The following PODXL variants were observed in gnomAD, a reference collection of about 807,000 sequenced individuals.
PODXL encodes podocalyxin like, also known as podocalyxin.
Under a neutral mutation model 48.9 loss-of-function variants are expected in PODXL, and 20 were observed. The observed-to-expected ratio is 0.41, with a 90% CI of 0.29 to 0.59. PODXL has a LOEUF of 0.59. Ranked by LOEUF, PODXL falls within the 20% of genes least tolerant of loss-of-function variation. PODXL has a pLI of 0.31. For synonymous variants in PODXL, 295 were observed against 287.4 expected (o/e 1.03, Z -0.27); for missense variants, 606 against 675.1 (o/e 0.90, Z 1.13).
At chr7:131,510,562 C>G (rs946282801) in intron 2 of PODXL, among the ~76,000 whole-genome samples, 1 of 151,826 alleles carries the variant, frequency 6.6e-6, no homozygotes, top group African/African-American at 2.4e-5. Flanking sequence ...CTATTCCCCT[C>G]TCAGGTTCAA....
intron 1 of PODXL, among the ~76,000 whole-genome samples, chr7:131,511,949 T>G (rs997014992): frequency 6.6e-6 from 1 of 152,184 alleles, no homozygotes; most frequent in African/African-American, 2.4e-5. Flanking sequence ...CAGGAACACC[T>G]CTGTCTCCTC....
intron 1 of PODXL, among the ~76,000 whole-genome samples, chr7:131,531,838 G>A (rs532935384): frequency 1.3e-5 from 2 of 152,264 alleles, no homozygotes; most frequent in African/African-American, 2.4e-5. Flanking sequence ...CCAGCCAGGC[G>A]CGGTGGCTCA....
intron 1 of PODXL, among the ~76,000 whole-genome samples, chr7:131,548,654 C>G (rs1410652659): frequency 6.6e-6 from 1 of 152,228 alleles, no homozygotes; most frequent in African/African-American, 2.4e-5. Flanking sequence ...ATAACTGATG[C>G]CTGTCTTATT....
At position 131,506,669 on chromosome 7, in the gene PODXL, T is replaced by G; in HGVS notation, c.1159A>C (p.Thr387Pro). The G allele has an allele frequency of 1.2e-6, 2 of 1,614,120 alleles. No homozygotes were observed. Among genetic ancestry groups the G allele is most frequent in the Middle Eastern group, 1.7e-4 (1 of 6,060 alleles). The change falls in exon 6 of 9, where the codon ACC becomes CCC. Residue 387 changes from threonine to proline, a missense_variant. Physicochemically the swap from Thr to Pro is conservative, Grantham distance 38. Transcript: ENST00000378555. ...ISLICRAVKA[T>P]FNPAQDKCGI... ...CACTTATCTTGGGCCGGGTTGAAGGTGGCTTTGACTGCTCGGCATATCAGT... is the reference window on the plus strand; with the variant it reads ...CACTTATCTTGGGCCGGGTTGAAGGGGGCTTTGACTGCTCGGCATATCAGT...
intron 2 of PODXL, 54 bp downstream of exon 2, chr7:131,510,774 A>G (rs954649795): frequency 1.2e-6 from 2 of 1,607,540 alleles, no homozygotes; most frequent in Non-Finnish European, 1.7e-6. Flanking sequence ...CAGAGCCATC[A>G]CGCCTGGCCC....
At chr7:131,519,203 C>T (rs1798056031) in intron 1 of PODXL, among the ~76,000 whole-genome samples, 1 of 152,208 alleles carries the variant, frequency 6.6e-6, no homozygotes, top group African/African-American at 2.4e-5. Context: ...AGCTTTTCTC[C>T]TGTCACTGTC....
chr7:131,503,402 A>T lies in PODXL; in HGVS notation c.*909T>A, dbSNP rs961485282. 6.6e-6 allele frequency: 1 copy of T among 152,270 alleles called. No homozygotes were observed. The highest frequency in any genetic ancestry group is 2.4e-5 in the African/African-American group (1 of 41,442). 9.4% of individuals were successfully genotyped at this position (152,270 alleles called of 1,614,324 possible). On this transcript the variant is annotated 3_prime_UTR_variant, in exon 9 of 9. Transcript: ENST00000378555. Reference sequence around the variant, plus strand: ...CCTGGTGGAAATGGAAGCCCAAAGAAGATCGTGGGTGGCCTCTGCAAGGAG... The same window carrying T: ...CCTGGTGGAAATGGAAGCCCAAAGATGATCGTGGGTGGCCTCTGCAAGGAG...
chr7:131,550,514 C>G (rs1562919938), intron 1 of PODXL, among the ~76,000 whole-genome samples: 2 of 151,952 alleles, frequency 1.3e-5, no homozygotes, highest in Non-Finnish European at 2.9e-5. Context: ...GGTGTGGTGG[C>G]GCATGCCTGT....
chr7:131,556,566 GC>G lies in PODXL; in HGVS notation c.-208del. ...GCCGGGCTGGGGCGCAGAGCCAGTG[GC>G]AGAGGAGCGGCGGCGGCGGCGGCTG... On this transcript the variant is annotated 5_prime_UTR_variant, in exon 1 of 9. Coordinates refer to ENST00000378555, the MANE Select transcript of PODXL (RefSeq NM_001018111.3). 1 of 500,528 alleles carries G rather than the reference GC, an allele frequency of 2.0e-6. No homozygotes were observed. The highest frequency in any genetic ancestry group is 3.0e-6 in the Non-Finnish European group (1 of 331,492). The allele number at this position is 500,528 out of a possible 1,614,324, so 31.0% of individuals were successfully genotyped here.
intron 1 of PODXL, among the ~76,000 whole-genome samples, chr7:131,515,732 G>A (rs1163795913): frequency 6.6e-6 from 1 of 152,142 alleles, no homozygotes; most frequent in Non-Finnish European, 1.5e-5. Context: ...TGACATGAGA[G>A]GGTGTAGATG....
At position 131,556,251 on chromosome 7, in the gene PODXL, G is replaced by A; in HGVS notation, c.100+9C>T. On this transcript the variant is annotated intron_variant, in intron 1 of 8. Coordinates refer to ENST00000378555, the MANE Select transcript of PODXL (RefSeq NM_001018111.3). ...GGGAGTCCCGGCGGAACCCAGGCCG[G>A]CCACTCACCATTCTGGGAGGGCGAC... The A allele has an allele frequency of 6.8e-7, 1 of 1,474,644 alleles. No individual in the cohort carries two copies. The highest frequency in any genetic ancestry group is 2.4e-5 in the Admixed American group (1 of 40,916). 91.3% of individuals were successfully genotyped at this position (1,474,644 alleles called of 1,614,324 possible). A position where few individuals can be genotyped will look rare whatever the true frequency, so the allele number is the denominator to read the frequency against.
At chr7:131,535,255 T>C (rs1798356190) in intron 1 of PODXL, among the ~76,000 whole-genome samples, 1 of 152,084 alleles carries the variant, frequency 6.6e-6, no homozygotes, top group Admixed American at 6.6e-5. Flanking sequence ...TGCAGGTGGA[T>C]GATAGGAGCA....
At chr7:131,524,379 C>CACAGAGAGAGAGAGAGAGAGAG (rs746255906) in intron 1 of PODXL, among the ~76,000 whole-genome samples, 4,099 of 103,374 alleles carry the variant, frequency 0.04, 208 homozygotes, top group Non-Finnish European at 0.063. Flanking sequence ...CACACACACA[C>CACAGAGAGAGAGAGAGAGAGAG]AGAGAGAGAG....
chr7:131,506,249 G>A lies in PODXL; in HGVS notation c.1311+11C>T, dbSNP rs761552461. ...GAGCCACTCTGTCCCCACACTTGGG[G>A]GGCCGCTTACCTCCTTTAGTTCATC... On this transcript the variant is annotated intron_variant, in intron 7 of 8. Coordinates refer to ENST00000378555, the MANE Select transcript of PODXL (RefSeq NM_001018111.3). The A allele has an allele frequency of 3.7e-6, 6 of 1,613,880 alleles. No individual in the cohort carries two copies. The Admixed American group carries it at 6.7e-5, about 18-fold the overall frequency.
At chr7:131,542,811 G>A (rs1036560591) in intron 1 of PODXL, among the ~76,000 whole-genome samples, 1 of 152,196 alleles carries the variant, frequency 6.6e-6, no homozygotes, top group Admixed American at 6.5e-5. Flanking sequence ...CCTCCCTCTA[G>A]AGCATGGCAG....
intron 1 of PODXL, among the ~76,000 whole-genome samples, chr7:131,548,874 G>A (rs146649066): frequency 1.0e-3 from 159 of 152,212 alleles, no homozygotes; most frequent in African/African-American, 3.5e-3. Context: ...CTTGAATCAG[G>A]TAGCCTTGCA....
At chr7:131,505,438 G>A (rs551845138) in intron 8 of PODXL, among the ~76,000 whole-genome samples, 23 of 152,122 alleles carry the variant, frequency 1.5e-4, no homozygotes, top group African/African-American at 5.5e-4. Context: ...CTTGAGGTCA[G>A]GAGTTCGAGA....
At chr7:131,509,174 T>C (rs1337834098) in intron 4 of PODXL, 146 bp from the exon 5 acceptor site, 1 of 842,092 alleles carries the variant, frequency 1.2e-6, no homozygotes, top group East Asian at 2.6e-5. Context: ...AGGTATGTCC[T>C]GGCTGCGTGG....
chr7:131,523,652 C>T (rs1798124083), intron 1 of PODXL, among the ~76,000 whole-genome samples: 1 of 118,924 alleles, frequency 8.4e-6, no homozygotes, highest in Admixed American at 1.2e-4. Context: ...GCACTCCAGC[C>T]TGGGCAACAG....
Sources: gnomAD v4.1 joint callset for allele counts (sites outside exome capture counted in the v4.1 genomes callset) on GRCh38, gnomAD v4.1.1 for gene constraint, MANE v1.5 for transcripts, NCBI Gene and HGNC (gene_info 2026-07-23, HGNC 2026-07-21) for gene names.